VWA8: variants seen among roughly 807,000 people sequenced by gnomAD.
VWA8 encodes von Willebrand factor A domain containing 8.
VWA8 carries 221 observed loss-of-function variants against 241.5 expected under a neutral mutation model. The observed-to-expected ratio is 0.91, with a 90% CI of 0.82 to 1.02. The LOEUF (loss-of-function observed/expected upper bound fraction) is 1.02. Among genes scored for constraint, VWA8 ranks in the 50% least tolerant of loss-of-function variants. VWA8 has a pLI of 0.00. For synonymous variants in VWA8, 852 were observed against 827.1 expected (o/e 1.03, Z -0.52); for missense variants, 2,322 against 2,328.7 (o/e 1.00, Z 0.06).
rs1555303590 is a variant in VWA8, at chr13:41,573,486, A to AATATATATAT, written c.5370+2244_5370+2253dup. 5.5e-3 allele frequency among the ~76,000 whole-genome samples: 630 copies of AATATATATAT among 113,562 alleles called. 12 individuals are homozygous for AATATATATAT. The highest frequency in any genetic ancestry group is 0.048 in the East Asian group (182 of 3,778). The allele number at this position is 113,562 out of a possible 152,430, so 74.5% of individuals were successfully genotyped here. The stretch of plus-strand genomic sequence containing the variant: ...GGTGGCTATAGTTTAAAAAAAAAAA[A>AATATATATAT]ATATATATATATATATATATACCTC... On this transcript the variant is annotated intron_variant, in intron 43 of 44. Coordinates refer to ENST00000379310, the MANE Select transcript of VWA8 (RefSeq NM_015058.2).
intron 40 of VWA8, among the ~76,000 whole-genome samples, chr13:41,592,618 G>A (rs1261285669): frequency 1.5e-5 from 2 of 134,876 alleles, no homozygotes; most frequent in Non-Finnish European, 3.1e-5. Flanking sequence ...AGTTCTATTT[G>A]TTTTTCTTTT....
chr13:41,879,223 T>C (rs190289595), intron 9 of VWA8, among the ~76,000 whole-genome samples: 13 of 152,292 alleles, frequency 8.5e-5, no homozygotes, highest in Admixed American at 7.8e-4. Flanking sequence ...TGAAGTGAAC[T>C]ATATTGTCAG....
At chr13:41,621,953 T>C (rs1353234699) in intron 37 of VWA8, among the ~76,000 whole-genome samples, 1 of 152,062 alleles carries the variant, frequency 6.6e-6, no homozygotes, top group Non-Finnish European at 1.5e-5. Flanking sequence ...CAACCCCAAA[T>C]AGGAGCCCAG....
chr13:41,913,700 G>A (rs1163616336), intron 2 of VWA8, among the ~76,000 whole-genome samples: 1 of 152,050 alleles, frequency 6.6e-6, no homozygotes, highest in Non-Finnish European at 1.5e-5. Context: ...CAAGGTTTTG[G>A]GTAAATTGTT....
intron 33 of VWA8, among the ~76,000 whole-genome samples, 198 bp downstream of exon 33, chr13:41,689,968 G>A (rs2045164688): frequency 6.6e-6 from 1 of 152,052 alleles, no homozygotes; most frequent in South Asian, 2.1e-4. Flanking sequence ...TTCAAGGACA[G>A]AGCTTACAAC....
At chr13:41,907,035 A>C (rs1260456536) in intron 4 of VWA8, among the ~76,000 whole-genome samples, 1 of 152,160 alleles carries the variant, frequency 6.6e-6, no homozygotes, top group Non-Finnish European at 1.5e-5. Context: ...TTTCTATTAA[A>C]TACTCCTAAG....
At chr13:41,812,127 G>A (rs1052474367) in intron 16 of VWA8, among the ~76,000 whole-genome samples, 5 of 152,060 alleles carry the variant, frequency 3.3e-5, no homozygotes, top group Non-Finnish European at 7.4e-5. Context: ...CACCTTTAAG[G>A]TTGTTATGAA....
Position 41,949,943 on chromosome 13 carries a change from C to A in VWA8, c.234G>T (p.Gln78His). ...KIPKNPELVP[Q>H]NYISDSLAQS... Reference sequence around the variant, plus strand: ...TTAATAAATATTTCTTACTGTAGTTCTGTGGCACAAGTTCTGGATTCTTAG... The same window carrying A: ...TTAATAAATATTTCTTACTGTAGTTATGTGGCACAAGTTCTGGATTCTTAG... Residue 78 changes from glutamine to histidine, a missense_variant, in exon 2 of 45, where the codon CAG (glutamine) becomes CAT (histidine). Gln to His is a conservative substitution (Grantham distance 24, BLOSUM62 0). Coordinates refer to ENST00000379310, the MANE Select transcript of VWA8 (RefSeq NM_015058.2). 1 of 1,577,526 alleles carries A rather than the reference C, an allele frequency of 6.3e-7. No individual in the cohort carries two copies. Among genetic ancestry groups the A allele is most frequent in the Non-Finnish European group, 8.6e-7 (1 of 1,156,146 alleles).
chr13:41,587,648 G>T lies in VWA8; in HGVS notation c.5135C>A (p.Pro1712His). 1 of 1,614,166 alleles carries T rather than the reference G, an allele frequency of 6.2e-7. No individual in the cohort carries two copies. Among genetic ancestry groups the T allele is most frequent in the Non-Finnish European group, 8.5e-7 (1 of 1,180,022 alleles). Reference protein sequence around the residue: ...EPQLGSPQQKPKRLRLVVDVS... With the variant: ...EPQLGSPQQKHKRLRLVVDVS... ...ATCTACCACCAGGCGCAGACGCTTGGGTTTCTGTTGTGGGCTGCCAAGCTG... is the reference window on the plus strand; with the variant it reads ...ATCTACCACCAGGCGCAGACGCTTGTGTTTCTGTTGTGGGCTGCCAAGCTG... Residue 1712 changes from proline (P) to histidine (H), a missense_variant, in exon 42 of 45, where the codon CCC becomes CAC. Pro to His is a moderately conservative substitution (Grantham distance 77). Coordinates refer to ENST00000379310, the MANE Select transcript of VWA8 (RefSeq NM_015058.2).
intron 17 of VWA8, among the ~76,000 whole-genome samples, chr13:41,799,158 G>T (rs1444920640): frequency 6.6e-6 from 1 of 151,886 alleles, no homozygotes; most frequent in South Asian, 2.1e-4. Flanking sequence ...TCTAAATGTT[G>T]TATCTGCCAA....
chr13:41,691,189 A>G, intron 32 of VWA8, 131 bp downstream of exon 32: 1 of 1,143,316 alleles, frequency 8.7e-7, no homozygotes, highest in South Asian at 2.2e-5. Flanking sequence ...TCTCATATAT[A>G]GAGATGCTGC....
intron 40 of VWA8, among the ~76,000 whole-genome samples, chr13:41,601,707 C>T (rs1318208197): frequency 6.6e-6 from 1 of 152,046 alleles, no homozygotes; most frequent in East Asian, 1.9e-4. Flanking sequence ...GGAAAAGGTT[C>T]AATAACTCAA....
In VWA8 at chr13:41,763,308, A is replaced by AATAAATAAATAAATAGATAG. The variant is rs1555332023; in HGVS notation, c.2350-2105_2350-2104insCTATCTATTTATTTATTTAT. On this transcript the variant is annotated intron_variant, in intron 20 of 44. Transcript: ENST00000379310. ...ACCTGTAAAAATAAATAAATAAATA[A>AATAAATAAATAAATAGATAG]ATAGATAGATAGATAGATAGATAGA... Among the ~76,000 whole-genome samples the AATAAATAAATAAATAGATAG allele has an allele frequency of 1.4e-3, 211 of 145,886 alleles. 1 individual carries two copies. The highest frequency in any genetic ancestry group is 4.2e-3 in the South Asian group (19 of 4,576).
intron 37 of VWA8, among the ~76,000 whole-genome samples, chr13:41,647,980 CTT>C (rs1163548398): frequency 6.6e-6 from 1 of 151,754 alleles, no homozygotes; most frequent in Admixed American, 6.6e-5. Context: ...AGGAGCGAGA[CTT>C]TGTCTCAGGA....
intron 1 of VWA8, among the ~76,000 whole-genome samples, chr13:41,950,414 G>C (rs1878076046): frequency 6.6e-6 from 1 of 151,910 alleles, no homozygotes. Context: ...TGTCACCTGG[G>C]CTGGAGTGCA....
At chr13:41,955,960 A>C (rs1330135082) in intron 1 of VWA8, 2 of 152,316 alleles carry the variant, frequency 1.3e-5, no homozygotes, top group African/African-American at 4.8e-5. Context: ...CTGCCTGCTC[A>C]CGTTTCAGAA....
intron 35 of VWA8, among the ~76,000 whole-genome samples, chr13:41,677,916 T>C (rs886575979): frequency 2.6e-5 from 4 of 152,238 alleles, no homozygotes; most frequent in Non-Finnish European, 5.9e-5. Flanking sequence ...CTTGACATTT[T>C]TATTTCATGC....
At chr13:41,741,990 T>C (rs371983722) in intron 21 of VWA8, among the ~76,000 whole-genome samples, 26 of 152,298 alleles carry the variant, frequency 1.7e-4, no homozygotes, top group African/African-American at 4.3e-4. Flanking sequence ...GTAGAAAGTA[T>C]GTCTAGGCAG....
At chr13:41,780,316 C>A (rs1868833078) in intron 19 of VWA8, among the ~76,000 whole-genome samples, 1 of 152,174 alleles carries the variant, frequency 6.6e-6, no homozygotes, top group Non-Finnish European at 1.5e-5. Flanking sequence ...CAACTACAGC[C>A]CTCTATTTCT....
Sources: allele counts gnomAD v4.1 joint callset (sites outside exome capture counted in the v4.1 genomes callset), GRCh38; gene constraint gnomAD v4.1.1; transcripts MANE v1.5; gene names NCBI Gene and HGNC (gene_info 2026-07-23, HGNC 2026-07-21).